AGBL1: variants seen among roughly 807,000 people sequenced by gnomAD.
AGBL1 encodes the protein cytosolic carboxypeptidase 4.
A neutral mutation model predicts 118.9 loss-of-function variants in AGBL1; 130 were observed. The observed-to-expected ratio is 1.09, with a 90% confidence interval of 0.95 to 1.26. AGBL1 has a LOEUF of 1.26. Among genes scored for constraint, AGBL1 ranks in the 50% most tolerant of loss-of-function variants. AGBL1 has a pLI of 0.00. For synonymous variants in AGBL1, 555 were observed against 478.9 expected, an observed-to-expected ratio of 1.16 and a Z score of -2.08; for missense variants, 1,584 against 1,298.1, an observed-to-expected ratio of 1.22 and a Z score of -3.38.
intron 18 of AGBL1, among the ~76,000 whole-genome samples, chr15:86,423,061 G>A (rs1053412198): frequency 6.6e-6 from 1 of 152,276 alleles, no homozygotes; most frequent in South Asian, 2.1e-4. Flanking sequence ...AATAGAAAAA[G>A]AGGGACTCCT....
intron 22 of AGBL1, among the ~76,000 whole-genome samples, chr15:86,904,326 TCA>T (rs1432059140): frequency 1.3e-5 from 2 of 151,816 alleles, no homozygotes; most frequent in African/African-American, 4.8e-5. Context: ...CATCCACGTT[TCA>T]GTGTCTTCTT....
intron 22 of AGBL1, among the ~76,000 whole-genome samples, chr15:86,859,245 C>T (rs1185918904): frequency 1.1e-4 from 16 of 152,182 alleles, no homozygotes; most frequent in Admixed American, 7.9e-4. Context: ...ATGCCAGAAA[C>T]GGCTCTAGCC....
intron 21 of AGBL1, among the ~76,000 whole-genome samples, chr15:86,560,645 TTA>T (rs2083804343): frequency 6.6e-6 from 1 of 152,156 alleles, no homozygotes; most frequent in African/African-American, 2.4e-5. Flanking sequence ...AATCCTTTGG[TTA>T]TATACCCAGT....
intron 22 of AGBL1, among the ~76,000 whole-genome samples, chr15:86,687,658 A>T (rs2086083888): frequency 6.6e-6 from 1 of 152,206 alleles, no homozygotes; most frequent in South Asian, 2.1e-4. Context: ...AGTAAAGCAT[A>T]GGCTAAGTTA....
Position 86,184,422 on chromosome 15 carries a change from CTTTTTTCTTTCTTT to C in AGBL1, c.488+25403_488+25416del, listed in dbSNP as rs544370853. On this transcript the variant is annotated intron_variant, in intron 5 of 22. Coordinates refer to ENST00000614907, the MANE Select transcript of AGBL1 (RefSeq NM_001386094.1). ...TTTATACACGATCTATTCCTTATTTCTTTTTTCTTTCTTTTTTTTTTTTTTTGTCTCAAGAGGGC... is the reference window on the plus strand; with the variant it reads ...TTTATACACGATCTATTCCTTATTTCTTTTTTTTTTTTGTCTCAAGAGGGC... Among the ~76,000 whole-genome samples the C allele has an allele frequency of 4.2e-3, 613 of 145,694 alleles. 5 individuals carry two copies. Among genetic ancestry groups the C allele is most frequent in the South Asian group, 9.8e-3 (45 of 4,612 alleles).
intron 15 of AGBL1, among the ~76,000 whole-genome samples, chr15:86,272,447 T>G (rs1425733687): frequency 6.6e-6 from 1 of 152,180 alleles, no homozygotes; most frequent in African/African-American, 2.4e-5. Flanking sequence ...GCTAGTTTCT[T>G]TTAAAAACTG....
chr15:86,299,341 C>A (rs2141791448), intron 17 of AGBL1, among the ~76,000 whole-genome samples: 1 of 152,176 alleles, frequency 6.6e-6, no homozygotes, highest in African/African-American at 2.4e-5. Flanking sequence ...TAGCAGGGAA[C>A]CTTTACAAAA....
chr15:86,722,811 GAAAC>G (rs769095376), intron 22 of AGBL1, among the ~76,000 whole-genome samples: 97 of 149,986 alleles, frequency 6.5e-4, no homozygotes, highest in Non-Finnish European at 1.0e-3. Context: ...AAATTTACAA[GAAAC>G]AAACAACCCC....
intron 22 of AGBL1, among the ~76,000 whole-genome samples, chr15:86,899,920 T>C (rs913067673): frequency 1.3e-5 from 2 of 152,150 alleles, no homozygotes; most frequent in African/African-American, 4.8e-5. Context: ...CCACCCTCAA[T>C]CTGGGTGGGC....
chr15:86,758,830 G>C (rs1339753524), intron 22 of AGBL1, among the ~76,000 whole-genome samples: 1 of 151,722 alleles, frequency 6.6e-6, no homozygotes, highest in African/African-American at 2.4e-5. Flanking sequence ...AAAATTAACT[G>C]GGCATGGTGG....
chr15:86,540,133 C>A (rs1180095140), intron 19 of AGBL1, among the ~76,000 whole-genome samples: 1 of 152,064 alleles, frequency 6.6e-6, no homozygotes, highest in Non-Finnish European at 1.5e-5. Context: ...ATGGGATAAT[C>A]TAGATTAAAT....
At position 87,023,733 on chromosome 15, in the gene AGBL1, C is replaced by T. The variant is rs538511641; in HGVS notation, c.3324-5092C>T. Among the ~76,000 whole-genome samples the T allele has an allele frequency of 3.3e-5, 5 of 151,964 alleles. No homozygotes were observed. In the East Asian group the frequency reaches 9.7e-4, roughly 29 times the overall value. Reference sequence around the variant, plus strand: ...TCTTCAAGAAAGACCATATGATAGACCACAAAATGAGCTTCAATAAATTTA... The same window carrying T: ...TCTTCAAGAAAGACCATATGATAGATCACAAAATGAGCTTCAATAAATTTA... On this transcript the variant is annotated intron_variant, in intron 24 of 24. Coordinates refer to the AGBL1 transcript ENST00000441037.
chr15:86,893,319 C>G (rs1024445637), intron 22 of AGBL1, among the ~76,000 whole-genome samples: 1 of 152,102 alleles, frequency 6.6e-6, no homozygotes, highest in Non-Finnish European at 1.5e-5. Flanking sequence ...TGAGCATTAC[C>G]TCAGCATTTA....
In AGBL1 at chr15:86,776,419, C is replaced by T. The variant is rs984442907; in HGVS notation, c.3158+101983C>T. Among the ~76,000 whole-genome samples, 3 of 151,978 alleles carry T rather than the reference C, an allele frequency of 2.0e-5. No individual in the cohort carries two copies. The East Asian group carries it at 5.8e-4, about 30-fold the overall frequency. On this transcript the variant is annotated intron_variant, in intron 22 of 22. Coordinates refer to ENST00000614907, the MANE Select transcript of AGBL1 (RefSeq NM_001386094.1). ...TCTGATTAGTGAGGTTGAGCTCAAC[C>T]CCTCATATTTTATTTATTTGTGTTT...
At chr15:86,599,623 A>G (rs2084463987) in intron 21 of AGBL1, among the ~76,000 whole-genome samples, 1 of 152,160 alleles carries the variant, frequency 6.6e-6, no homozygotes, top group African/African-American at 2.4e-5. Context: ...GTAAGTGCCT[A>G]TAAGCGGTGA....
At chr15:86,835,222 G>C (rs550055016) in intron 22 of AGBL1, among the ~76,000 whole-genome samples, 2 of 152,072 alleles carry the variant, frequency 1.3e-5, no homozygotes, top group East Asian at 1.9e-4. Flanking sequence ...GAAGCAACTC[G>C]CTGGGATCAT....
rs2084985210 is a variant in AGBL1 at position 86,632,289 on chromosome 15, A to AAAAAAAAG, written c.2995-41981_2995-41980insAAAAGAAA. 5.3e-5 allele frequency among the ~76,000 whole-genome samples: 8 copies of AAAAAAAAG among 151,400 alleles called. No individual in the cohort carries two copies. In the South Asian group the frequency reaches 8.4e-4, roughly 16 times the overall value. On this transcript the variant is annotated intron_variant, in intron 21 of 22. Coordinates refer to ENST00000614907, the MANE Select transcript of AGBL1 (RefSeq NM_001386094.1). ...TCTTTCTCTTTAAAAAAAAAAAAAA[A>AAAAAAAAG]AAAGGCTGGCCAGGTGCAGTGGCTT...
At chr15:86,567,880 G>A (rs976495388) in intron 21 of AGBL1, among the ~76,000 whole-genome samples, 3 of 152,056 alleles carry the variant, frequency 2.0e-5, no homozygotes, top group Non-Finnish European at 4.4e-5. Context: ...GACATTCAGA[G>A]CCCAGCTGCC....
intron 5 of AGBL1, among the ~76,000 whole-genome samples, chr15:86,217,777 G>A (rs2078213473): frequency 6.6e-6 from 1 of 152,170 alleles, no homozygotes; most frequent in Admixed American, 6.5e-5. Flanking sequence ...AGTGGTGTGG[G>A]ACAAAGCTGG....
Sources: allele counts gnomAD v4.1 joint callset (sites outside exome capture counted in the v4.1 genomes callset), GRCh38; gene constraint gnomAD v4.1.1; transcripts MANE v1.5; gene names NCBI Gene and HGNC (gene_info 2026-07-23, HGNC 2026-07-21).